The following PTPRD variants were observed in gnomAD, a reference collection of about 807,000 sequenced individuals.
PTPRD encodes protein tyrosine phosphatase receptor type D.
A neutral mutation model predicts 214.5 loss-of-function variants in PTPRD; 34 were observed. The observed-to-expected ratio is 0.16, with a 90% CI of 0.12 to 0.21. The LOEUF is 0.21. Ranked by LOEUF, PTPRD falls within the 10% of genes least tolerant of loss-of-function variation. The pLI, the probability that PTPRD is intolerant of heterozygous loss-of-function variation, is 1.00. For synonymous variants in PTPRD, 1,128 were observed against 845.7 expected (o/e 1.33, Z -5.79); for missense variants, 2,545 against 2,398.7 (o/e 1.06, Z -1.27).
intron 9 of PTPRD, among the ~76,000 whole-genome samples, chr9:9,318,147 G>A (rs774050769): frequency 1.4e-4 from 21 of 150,840 alleles, no homozygotes; most frequent in Non-Finnish European, 2.8e-4. Flanking sequence ...CTCCAGCCTG[G>A]GCAACAAGAG....
chr9:10,243,267 A>G (rs914896349), intron 3 of PTPRD, among the ~76,000 whole-genome samples: 1 of 151,950 alleles, frequency 6.6e-6, no homozygotes, highest in African/African-American at 2.4e-5. Context: ...TTTATATGCT[A>G]TCTTTTGTAA....
intron 11 of PTPRD, among the ~76,000 whole-genome samples, chr9:8,839,023 C>G (rs1601516331): frequency 6.6e-6 from 1 of 151,946 alleles, no homozygotes; most frequent in South Asian, 2.1e-4. Context: ...TTTTCAGCAC[C>G]TTGTAACGAA....
intron 3 of PTPRD, among the ~76,000 whole-genome samples, chr9:10,150,070 C>G (rs971612052): frequency 1.2e-4 from 18 of 152,092 alleles, no homozygotes; most frequent in Non-Finnish European, 2.1e-4. Context: ...AGGAAAAAAG[C>G]TACCTATATG....
In PTPRD at chr9:9,606,889, G is replaced by T. The variant is rs542938346; in HGVS notation, c.-286-32108C>A. ...CTGCAAGCTATACTTTCGAGAATAG[G>T]TTCGCCTAACAATTAAGGCAGACAG... On this transcript the variant is annotated intron_variant, in intron 7 of 45. Transcript: ENST00000381196. 5.8e-5 allele frequency among the ~76,000 whole-genome samples: 8 copies of T among 137,612 alleles called. No homozygotes were observed. In the East Asian group the frequency reaches 7.1e-4, roughly 12 times the overall value. The allele number at this position is 137,612 out of a possible 152,430, so 90.3% of individuals were successfully genotyped here. A position where few individuals can be genotyped will look rare whatever the true frequency, so the allele number is the denominator to read the frequency against.
rs564271554 is a variant in PTPRD, at chr9:10,047,338, G to A, written c.-544-13548C>T. 3.0e-5 allele frequency among the ~76,000 whole-genome samples: 4 copies of A among 135,248 alleles called. No homozygotes were observed. The South Asian group carries it at 1.1e-3, about 38-fold the overall frequency. 88.7% of individuals were successfully genotyped at this position (135,248 alleles called of 152,430 possible). On this transcript the variant is annotated intron_variant, in intron 3 of 45. Transcript: ENST00000381196. ...TGTGTGTGTGTGTGTGTGTGTGTGT[G>A]CGTGTGTGTGTGTGCTTGTGTGATA...
intron 9 of PTPRD, among the ~76,000 whole-genome samples, chr9:9,184,714 C>T (rs1049036128): frequency 4.6e-5 from 7 of 152,040 alleles, no homozygotes; most frequent in African/African-American, 1.7e-4. Context: ...CCCGTGGATA[C>T]AGCAACTAGT....
At chr9:9,053,433 T>C (rs964112011) in intron 10 of PTPRD, among the ~76,000 whole-genome samples, 1 of 152,112 alleles carries the variant, frequency 6.6e-6, no homozygotes, top group African/African-American at 2.4e-5. Flanking sequence ...GTCTGCTCTA[T>C]ACAAATAACC....
intron 11 of PTPRD, among the ~76,000 whole-genome samples, chr9:8,834,102 G>C (rs2097360479): frequency 1.3e-5 from 2 of 151,856 alleles, no homozygotes; most frequent in Non-Finnish European, 2.9e-5. Context: ...GAAATATAAT[G>C]AATTTCTTCC....
chr9:9,879,720 G>A (rs987113528), intron 5 of PTPRD, among the ~76,000 whole-genome samples: 1 of 152,138 alleles, frequency 6.6e-6, no homozygotes, highest in African/African-American at 2.4e-5. Flanking sequence ...GAGGTGAGAT[G>A]TCTCTGAGAT....
chr9:9,699,110 A>T (rs1313564356), intron 7 of PTPRD, among the ~76,000 whole-genome samples: 1 of 152,140 alleles, frequency 6.6e-6, no homozygotes, highest in Admixed American at 6.6e-5. Context: ...GAATAATCCA[A>T]TTTTCTAAAA....
intron 3 of PTPRD, among the ~76,000 whole-genome samples, chr9:10,286,365 C>T (rs914869346): frequency 6.6e-6 from 1 of 151,962 alleles, no homozygotes; most frequent in Non-Finnish European, 1.5e-5. Flanking sequence ...TTGCTTGAGC[C>T]CAGAAGGCAG....
chr9:9,140,994 C>A (rs948358562), intron 10 of PTPRD, among the ~76,000 whole-genome samples: 1 of 152,070 alleles, frequency 6.6e-6, no homozygotes, highest in South Asian at 2.1e-4. Context: ...TGATTGAGTG[C>A]CAAAGACATA....
At chr9:9,689,019 GTTAAA>G (rs1361234644) in intron 7 of PTPRD, among the ~76,000 whole-genome samples, 2 of 151,818 alleles carry the variant, frequency 1.3e-5, no homozygotes, top group African/African-American at 2.4e-5. Context: ...TGCAATTAAT[GTTAAA>G]TTAAATGTAC....
chr9:9,551,104 T>C (rs1468794050), intron 8 of PTPRD, among the ~76,000 whole-genome samples: 1 of 151,978 alleles, frequency 6.6e-6, no homozygotes, highest in Non-Finnish European at 1.5e-5. Context: ...ATTTAATGTA[T>C]ATTCTTGAAA....
At chr9:10,216,569 G>C (rs945807585) in intron 3 of PTPRD, among the ~76,000 whole-genome samples, 1 of 151,724 alleles carries the variant, frequency 6.6e-6, no homozygotes, top group Non-Finnish European at 1.5e-5. Context: ...TATGATTTTT[G>C]TTTGGGTCAA....
intron 11 of PTPRD, among the ~76,000 whole-genome samples, chr9:8,905,049 A>T (rs1467583416): frequency 6.6e-6 from 1 of 152,216 alleles, no homozygotes; most frequent in Non-Finnish European, 1.5e-5. Context: ...GACACAAATG[A>T]TTAGAATTAT....
At chr9:9,986,426 T>C (rs542764387) in intron 4 of PTPRD, among the ~76,000 whole-genome samples, 23 of 152,198 alleles carry the variant, frequency 1.5e-4, no homozygotes, top group African/African-American at 4.8e-4. Context: ...TTGTAGAATA[T>C]TTTTAGGTGA....
chr9:8,936,909 T>C (rs1271219163), intron 11 of PTPRD, among the ~76,000 whole-genome samples: 3 of 152,176 alleles, frequency 2.0e-5, no homozygotes, highest in Non-Finnish European at 4.4e-5. Context: ...TATTACTGAG[T>C]AATTTGGATT....
intron 4 of PTPRD, among the ~76,000 whole-genome samples, chr9:9,983,519 CA>C (rs2095611805): frequency 1.3e-5 from 2 of 152,172 alleles, no homozygotes; most frequent in Non-Finnish European, 1.5e-5. Flanking sequence ...ACAGGCAAAG[CA>C]CTTAGTACCA....
Sources: allele counts gnomAD v4.1 joint callset (sites outside exome capture counted in the v4.1 genomes callset), GRCh38; gene constraint gnomAD v4.1.1; transcripts MANE v1.5; gene names NCBI Gene and HGNC (gene_info 2026-07-23, HGNC 2026-07-21).